The following TJP2 variants were observed in gnomAD, a reference collection of about 807,000 sequenced individuals.
TJP2 encodes Friedreich ataxia region gene X104 (tight junction protein ZO-2).
Under a neutral mutation model 133.1 loss-of-function variants are expected in TJP2, and 91 were observed. The ratio of observed to expected loss-of-function variants is 0.68; its 90% CI spans 0.58 to 0.81. The LOEUF is 0.81. TJP2 is among the 40% of genes least tolerant of loss of function. The pLI is 0.00. For synonymous variants in TJP2, 592 were observed against 583.4 expected (o/e 1.01, Z -0.21); for missense variants, 1,541 against 1,565.6 (o/e 0.98, Z 0.26).
At chr9:69,139,430 A>T (rs1368107607) in intron 1 of TJP2, among the ~76,000 whole-genome samples, 1 of 152,106 alleles carries the variant, frequency 6.6e-6, no homozygotes, top group African/African-American at 2.4e-5. Context: ...AAGAGGAGGA[A>T]ATTTGGACAC....
rs1831366975 is a variant in TJP2, at chr9:69,251,949, CA to C, written c.3321+586del. ...TTTTCTTGTCGTAAAATATACATAA[CA>C]TAAAATTTACCATTTCAACCACTTT... is the stretch of plus-strand genomic sequence containing the variant. On this transcript the variant is annotated intron_variant, in intron 21 of 22. Transcript: ENST00000377245. Among the ~76,000 whole-genome samples, 4 of 152,068 alleles carry C rather than the reference CA, an allele frequency of 2.6e-5. 1 individual carries two copies. The South Asian group carries it at 8.3e-4, about 32-fold the overall frequency.
Position 69,216,363 on chromosome 9 carries a change from G to T in TJP2, c.139G>T (p.Ala47Ser). The T allele has an allele frequency of 1.2e-6, 2 of 1,614,064 alleles. No homozygotes were observed. Among genetic ancestry groups the T allele is most frequent in the African/African-American group, 1.3e-5 (1 of 75,010 alleles). ...GGATTCCAAAAGAGGATTTGGAATT[G>T]CAGTGTCCGGAGGCAGAGACAACCC... ...QKDSKRGFGI[A>S]VSGGRDNPHF... The change falls in exon 3 of 23, where the codon GCA becomes TCA. Residue 47 changes from alanine (A) to serine (S), a missense_variant. By Grantham distance (99) the Ala-to-Ser change is moderately conservative. Transcript: ENST00000377245.
In TJP2 at chr9:69,238,763, A is replaced by G. The variant is rs373645515; in HGVS notation, c.2329A>G (p.Asn777Asp). Residue 777 changes from asparagine to aspartate, a missense_variant, in exon 16 of 23, where the codon AAT becomes GAT. Asn to Asp is a conservative substitution (Grantham distance 23). Coordinates refer to ENST00000377245, the MANE Select transcript of TJP2 (RefSeq NM_004817.4). ...SEKSTGVVRL[N>D]TVRQIIEQDK... is the part of the protein sequence containing the mutation. ...GAAATCCACTGGAGTGGTCCGGTTAAATACCGTGAGGCAAATTATTGAACA... is the reference window on the plus strand; with the variant it reads ...GAAATCCACTGGAGTGGTCCGGTTAGATACCGTGAGGCAAATTATTGAACA... 1.9e-6 allele frequency: 3 copies of G among 1,613,912 alleles called. No individual in the cohort carries two copies. The African/African-American group carries it at 4.0e-5, about 22-fold the overall frequency.
rs754060501 is a variant in TJP2 at position 69,247,998 on chromosome 9, A to T, written c.2668-14A>T. 6.3e-7 allele frequency: 1 copy of T among 1,583,370 alleles called. No individual in the cohort carries two copies. The highest frequency in any genetic ancestry group is 1.2e-5 in the South Asian group (1 of 86,548). ...CATCAGACCCCACTGACCGTCCAACACAAATTCCTCTAGATGGAAGGGATG... is the reference window on the plus strand; with the variant it reads ...CATCAGACCCCACTGACCGTCCAACTCAAATTCCTCTAGATGGAAGGGATG... On this transcript the variant is annotated splice_polypyrimidine_tract_variant and intron_variant, in intron 18 of 22. Coordinates refer to ENST00000377245, the MANE Select transcript of TJP2 (RefSeq NM_004817.4).
intron 1 of TJP2, among the ~76,000 whole-genome samples, chr9:69,189,633 CTT>C (rs57985835): frequency 3.3e-5 from 2 of 61,130 alleles, no homozygotes; most frequent in East Asian, 3.8e-4. Context: ...GGAGACTCCA[CTT>C]TTTTTTTTTT....
At chr9:69,148,650 A>G (rs915275576) in intron 1 of TJP2, among the ~76,000 whole-genome samples, 2 of 151,868 alleles carry the variant, frequency 1.3e-5, no homozygotes, top group Non-Finnish European at 2.9e-5. Context: ...GATTATAGGC[A>G]TGAGCCACCG....
At chr9:69,198,207 T>A (rs1826733884) in intron 1 of TJP2, among the ~76,000 whole-genome samples, 1 of 143,252 alleles carries the variant, frequency 7.0e-6, no homozygotes. Context: ...AGTGACACTA[T>A]CTCAGCTCAG....
chr9:69,191,591 C>T (rs913613764), intron 1 of TJP2, among the ~76,000 whole-genome samples: 1 of 152,146 alleles, frequency 6.6e-6, no homozygotes, highest in African/African-American at 2.4e-5. Context: ...ACTCCAGGTC[C>T]GTTAGCTGTT....
intron 20 of TJP2, among the ~76,000 whole-genome samples, chr9:69,250,278 A>G (rs768215389): frequency 6.6e-6 from 1 of 151,898 alleles, no homozygotes; most frequent in Non-Finnish European, 1.5e-5. Context: ...TAATTTTTGT[A>G]TTTTTAGTAG....
chr9:69,165,664 T>C (rs1037022526), intron 2 of TJP2, among the ~76,000 whole-genome samples: 1 of 152,146 alleles, frequency 6.6e-6, no homozygotes, highest in Non-Finnish European at 1.5e-5. Flanking sequence ...GGGGTCTCTA[T>C]CCCCGAAAAG....
At chr9:69,232,149 C>G (rs1387405513) in intron 11 of TJP2, among the ~76,000 whole-genome samples, 1 of 152,184 alleles carries the variant, frequency 6.6e-6, no homozygotes, top group Non-Finnish European at 1.5e-5. Flanking sequence ...TGTTATCACC[C>G]TGGCAACACG....
At chr9:69,220,456 C>T (rs920158733) in intron 4 of TJP2, among the ~76,000 whole-genome samples, 20 of 152,210 alleles carry the variant, frequency 1.3e-4, no homozygotes, top group Non-Finnish European at 1.5e-4. Flanking sequence ...GTCACCCTAC[C>T]GATCTAACAT....
In TJP2 at chr9:69,230,062, T is replaced by C; in HGVS notation, c.1521-20T>C. 1.2e-6 allele frequency: 2 copies of C among 1,614,076 alleles called. No individual in the cohort carries two copies. The highest frequency in any genetic ancestry group is 1.7e-6 in the Non-Finnish European group (2 of 1,179,938). On this transcript the variant is annotated intron_variant, in intron 10 of 22. Coordinates refer to ENST00000377245, the MANE Select transcript of TJP2 (RefSeq NM_004817.4). The stretch of plus-strand genomic sequence containing the variant: ...AAAAATATCTCCCATCTTTCCTTTC[T>C]GAAACGGAACCTATTGCAGCCCTAA...
At chr9:69,131,445 C>T (rs930348512) in intron 1 of TJP2, among the ~76,000 whole-genome samples, 1 of 152,178 alleles carries the variant, frequency 6.6e-6, no homozygotes, top group African/African-American at 2.4e-5. Context: ...ACTCTTCCCA[C>T]TCACGTCACA....
chr9:69,241,583 G>A (rs1830577550), intron 17 of TJP2, among the ~76,000 whole-genome samples: 1 of 151,976 alleles, frequency 6.6e-6, no homozygotes, highest in Non-Finnish European at 1.5e-5. Flanking sequence ...AGGAGGAAGT[G>A]GTCCATCATA....
rs533116138 is a variant in TJP2 at position 69,166,956 on chromosome 9, G to A, written c.-10+15185G>A. 1.7e-4 allele frequency among the ~76,000 whole-genome samples: 25 copies of A among 151,436 alleles called. No homozygotes were observed. The South Asian group carries it at 4.8e-3, about 29-fold the overall frequency. On this transcript the variant is annotated intron_variant, in intron 2 of 5. Transcript: ENST00000423935. The stretch of plus-strand genomic sequence containing the variant: ...TCTGAAAAATAAATAAAATAGGCTG[G>A]GTGCAGTGGCTCACGCCCATAATCC...
intron 1 of TJP2, among the ~76,000 whole-genome samples, chr9:69,194,465 A>G (rs1826412024): frequency 1.3e-5 from 2 of 152,346 alleles, no homozygotes; most frequent in South Asian, 2.1e-4. Flanking sequence ...AATGGCTTAA[A>G]TGACTGCTAG....
chr9:69,247,987 G>A, intron 18 of TJP2, 25 bp from the exon 19 acceptor site: 1 of 1,566,140 alleles, frequency 6.4e-7, no homozygotes, highest in Non-Finnish European at 8.7e-7. Context: ...AGACCCCACT[G>A]ACCGTCCAAC....
At position 69,144,451 on chromosome 9, in the gene TJP2, T is replaced by A. The variant is rs12347212; in HGVS notation, c.-130-7200T>A. Among the ~76,000 whole-genome samples the A allele has an allele frequency of 9.6e-3, 1,460 of 152,210 alleles. 31 individuals are homozygous for A. Among genetic ancestry groups the A allele is most frequent in the African/African-American group, 0.032 (1,338 of 41,514 alleles). On this transcript the variant is annotated intron_variant, in intron 1 of 5. Coordinates refer to the TJP2 transcript ENST00000423935. The stretch of plus-strand genomic sequence containing the variant: ...TGCTTCCCTTTATGTATGGGTTTGT[T>A]TAGACAAGGAGCAGCATGACTCTTG...
Sources: allele counts gnomAD v4.1 joint callset (sites outside exome capture counted in the v4.1 genomes callset), GRCh38; gene constraint gnomAD v4.1.1; transcripts MANE v1.5; gene names NCBI Gene and HGNC (gene_info 2026-07-23, HGNC 2026-07-21).